The following YEATS2 variants were observed in gnomAD, a reference collection of about 807,000 sequenced individuals.
YEATS2 encodes the protein YEATS domain-containing protein 2.
YEATS2 carries 77 observed loss-of-function variants against 163.2 expected under a neutral mutation model. The ratio of observed to expected loss-of-function variants is 0.47; its 90% CI spans 0.39 to 0.57. The LOEUF (loss-of-function observed/expected upper bound fraction) is 0.57, where lower values mean the gene tolerates loss of function less well. YEATS2 is among the 20% of genes least tolerant of loss of function. YEATS2 has a pLI of 0.00. For synonymous variants in YEATS2, 631 were observed against 645.1 expected, an observed-to-expected ratio of 0.98 and a Z score of 0.33; for missense variants, 1,549 against 1,729.8, an observed-to-expected ratio of 0.90 and a Z score of 1.85.
chr3:183,731,886 C>T (rs1042718084), intron 7 of YEATS2, among the ~76,000 whole-genome samples: 25 of 152,340 alleles, frequency 1.6e-4, no homozygotes, highest in Middle Eastern at 3.4e-3. Flanking sequence ...CCTGGCGGCA[C>T]ACACCTTTAC....
At chr3:183,790,697 A>G in intron 20 of YEATS2, 100 bp from the exon 21 acceptor site, 2 of 1,306,222 alleles carry the variant, frequency 1.5e-6, no homozygotes, top group Non-Finnish European at 1.1e-6. Context: ...AACACCTAAT[A>G]GATGATATTT....
At chr3:183,759,908 G>A (rs1224382668) in intron 13 of YEATS2, among the ~76,000 whole-genome samples, 1 of 152,182 alleles carries the variant, frequency 6.6e-6, no homozygotes, top group Non-Finnish European at 1.5e-5. Context: ...TAACCGTTTA[G>A]CTATTTGAAA....
At chr3:183,737,894 A>T (rs948885666) in intron 8 of YEATS2, among the ~76,000 whole-genome samples, 2 of 152,226 alleles carry the variant, frequency 1.3e-5, no homozygotes, top group Non-Finnish European at 2.9e-5. Flanking sequence ...GATTTGTGGC[A>T]ACCCTCTGTC....
chr3:183,717,011 G>A (rs930424042), intron 2 of YEATS2, among the ~76,000 whole-genome samples: 4 of 151,710 alleles, frequency 2.6e-5, no homozygotes, highest in African/African-American at 9.7e-5. Flanking sequence ...TCCTGCCTCA[G>A]CCTCCCAAGT....
chr3:183,760,974 A>C lies in YEATS2; in HGVS notation c.1657-533A>C, dbSNP rs74676645. 8.9e-3 allele frequency among the ~76,000 whole-genome samples: 1,359 copies of C among 152,346 alleles called. 15 individuals carry two copies. Among genetic ancestry groups the C allele is most frequent in the African/African-American group, 0.031 (1,284 of 41,584 alleles). ...GTTAGAAGTCTTTCCAGTGTACAGC[A>C]GGACACAGATGAGTAGATTCTTGCC... is the stretch of plus-strand genomic sequence containing the variant. On this transcript the variant is annotated intron_variant, in intron 13 of 30. Coordinates refer to ENST00000305135, the MANE Select transcript of YEATS2 (RefSeq NM_018023.5).
chr3:183,759,740 T>C (rs987634492), intron 13 of YEATS2, among the ~76,000 whole-genome samples: 2 of 152,180 alleles, frequency 1.3e-5, no homozygotes, highest in African/African-American at 4.8e-5. Flanking sequence ...AGCCCTCAGC[T>C]TACGCTGGGG....
At chr3:183,719,367 C>T (rs1577052658) in intron 4 of YEATS2, among the ~76,000 whole-genome samples, 1 of 152,108 alleles carries the variant, frequency 6.6e-6, no homozygotes, top group East Asian at 1.9e-4. Context: ...GAACTCCCAA[C>T]TTCATGTGAT....
intron 19 of YEATS2, among the ~76,000 whole-genome samples, chr3:183,785,361 G>A (rs547359733): frequency 6.6e-6 from 1 of 150,572 alleles, no homozygotes; most frequent in East Asian, 2.1e-4. Flanking sequence ...GGTGGCACGT[G>A]CCTGTAAGTC....
At position 183,771,899 on chromosome 3, in the gene YEATS2, G is replaced by A. The variant is rs368554495; in HGVS notation, c.1948-406G>A. Reference sequence around the variant, plus strand: ...GTGCCACCATGCCCAGCTAATTTTTGTATTTTTAGTAGAGATTGGATTTCA... The same window carrying A: ...GTGCCACCATGCCCAGCTAATTTTTATATTTTTAGTAGAGATTGGATTTCA... On this transcript the variant is annotated intron_variant, in intron 15 of 30. Coordinates refer to ENST00000305135, the MANE Select transcript of YEATS2 (RefSeq NM_018023.5). Among the ~76,000 whole-genome samples, 10 of 151,754 alleles carry A rather than the reference G, an allele frequency of 6.6e-5. No individual in the cohort carries two copies. In the East Asian group the frequency reaches 1.7e-3, roughly 27 times the overall value.
chr3:183,783,668 A>G (rs138895130), intron 19 of YEATS2, among the ~76,000 whole-genome samples: 136 of 152,318 alleles, frequency 8.9e-4, no homozygotes, highest in African/African-American at 3.2e-3. Context: ...TCTGTCCTGC[A>G]TTCATTCACT....
chr3:183,790,033 C>T (rs1022313676), intron 20 of YEATS2, among the ~76,000 whole-genome samples: 2 of 152,228 alleles, frequency 1.3e-5, no homozygotes, highest in African/African-American at 4.8e-5. Context: ...TGCCTCTTCA[C>T]AGGTGACACC....
At chr3:183,718,675 C>T (rs1302498721) in intron 4 of YEATS2, 83 bp downstream of exon 4, 2 of 1,045,612 alleles carry the variant, frequency 1.9e-6, no homozygotes, top group Non-Finnish European at 2.8e-6. Flanking sequence ...GGAATCCCTG[C>T]ATCTGAAACA....
chr3:183,784,589 AGCTTTT>A (rs1560312018), intron 19 of YEATS2, among the ~76,000 whole-genome samples: 2 of 152,196 alleles, frequency 1.3e-5, no homozygotes, highest in Non-Finnish European at 2.9e-5. Context: ...GCTGTGCAGA[AGCTTTT>A]TAGTTTAATT....
At chr3:183,793,615 T>C (rs1015769900) in intron 21 of YEATS2, 11 of 244,116 alleles carry the variant, frequency 4.5e-5, no homozygotes, top group South Asian at 1.5e-4. Context: ...CTTTCTTTTT[T>C]TTTTTTTTTT....
intron 5 of YEATS2, among the ~76,000 whole-genome samples, chr3:183,722,449 C>T (rs764341009): frequency 5.7e-4 from 86 of 151,818 alleles, no homozygotes; most frequent in Admixed American, 5.9e-4. Flanking sequence ...CCACCACGCC[C>T]GGCTAATTTT....
intron 11 of YEATS2, 58 bp from the exon 12 acceptor site, chr3:183,756,470 T>A (rs1441961209): frequency 2.1e-6 from 3 of 1,452,924 alleles, no homozygotes; most frequent in African/African-American, 2.9e-5. Context: ...CCTCGACATC[T>A]TCTTACGTGA....
In YEATS2 at chr3:183,811,782, C is replaced by T. The variant is rs1726824137; in HGVS notation, c.*1199C>T. On this transcript the variant is annotated 3_prime_UTR_variant, in exon 31 of 31. Transcript: ENST00000305135. The stretch of plus-strand genomic sequence containing the variant: ...GCAGAACAAAGAATGCATGCCCAGT[C>T]AGAAATCTGTTCTATTCTGCTCCAG... The T allele has an allele frequency of 6.6e-6, 1 of 152,244 alleles. No individual in the cohort carries two copies. Among genetic ancestry groups the T allele is most frequent in the African/African-American group, 2.4e-5 (1 of 41,460 alleles). 9.4% of individuals were successfully genotyped at this position (152,244 alleles called of 1,614,324 possible). A position where few individuals can be genotyped will look rare whatever the true frequency, so the allele number is the denominator to read the frequency against.
At chr3:183,764,143 G>A (rs113342030) in intron 15 of YEATS2, among the ~76,000 whole-genome samples, 2,560 of 152,124 alleles carry the variant, frequency 0.017, 54 homozygotes, top group African/African-American at 0.059. Context: ...AGGCTGAGGC[G>A]TGCGTTATCA....
At chr3:183,724,324 T>TA (rs1036024172) in intron 5 of YEATS2, 95 bp from the exon 6 acceptor site, 9 of 903,346 alleles carry the variant, frequency 1.0e-5, no homozygotes, top group African/African-American at 1.7e-5. Context: ...TAAAAAAACT[T>TA]AGTTATTCCA....
Sources: gnomAD v4.1 joint callset for allele counts (sites outside exome capture counted in the v4.1 genomes callset) on GRCh38, gnomAD v4.1.1 for gene constraint, MANE v1.5 for transcripts, NCBI Gene and HGNC (gene_info 2026-07-23, HGNC 2026-07-21) for gene names.